Variants in XRCC6 observed in about 807,000 individuals in gnomAD.
XRCC6 encodes the protein X-ray repair cross complementing 6.
Under a neutral mutation model 65.7 loss-of-function variants are expected in XRCC6, and 5 were observed. The observed-to-expected ratio is 0.08, with a 90% CI of 0.04 to 0.16. The LOEUF is 0.16. XRCC6 is among the 10% of genes least tolerant of loss of function. XRCC6 has a pLI of 1.00. For synonymous variants in XRCC6, 270 were observed against 270.6 expected (o/e 1.00, Z 0.02); for missense variants, 447 against 738.1 (o/e 0.61, Z 4.57).
At chr22:41,650,164 G>C (rs1250913489) in intron 7 of XRCC6, among the ~76,000 whole-genome samples, 1 of 151,904 alleles carries the variant, frequency 6.6e-6, no homozygotes, top group African/African-American at 2.4e-5. Context: ...CAGTGCAGTG[G>C]CGCCATCTTG....
intron 2 of XRCC6, among the ~76,000 whole-genome samples, chr22:41,622,707 G>A (rs1373711515): frequency 2.6e-5 from 4 of 152,244 alleles, no homozygotes; most frequent in African/African-American, 9.6e-5. Flanking sequence ...TTGGGAGGCC[G>A]AGGCGGGCGG....
At chr22:41,648,700 G>A (rs940137234) in intron 7 of XRCC6, among the ~76,000 whole-genome samples, 1 of 152,072 alleles carries the variant, frequency 6.6e-6, no homozygotes, top group African/African-American at 2.4e-5. Flanking sequence ...GGGCCTATAA[G>A]GATGACTAAA....
intron 10 of XRCC6, among the ~76,000 whole-genome samples, 198 bp from the exon 11 acceptor site, chr22:41,658,054 A>T (rs1293769618): frequency 6.6e-6 from 1 of 151,868 alleles, no homozygotes; most frequent in Non-Finnish European, 1.5e-5. Flanking sequence ...GAACTGCTAG[A>T]CTCAAGCATT....
chr22:41,638,714 G>T (rs1035963210), intron 6 of XRCC6, among the ~76,000 whole-genome samples: 13 of 148,074 alleles, frequency 8.8e-5, no homozygotes, highest in Non-Finnish European at 1.3e-4. Flanking sequence ...GGAGTCAGAG[G>T]TGGCAGTGAG....
intron 1 of XRCC6, chr22:41,621,556 AGGCCCGCCTGCGCTTGC>A (rs1050385438): frequency 2.4e-4 from 41 of 168,216 alleles, no homozygotes; most frequent in East Asian, 5.4e-4. Context: ...CCTGCGTTTG[AGGCCCGCCTGCGCTTGC>A]GGCCCGCCTG....
intron 3 of XRCC6, among the ~76,000 whole-genome samples, chr22:41,631,939 A>C (rs1457516191): frequency 1.3e-5 from 2 of 152,170 alleles, no homozygotes; most frequent in South Asian, 2.1e-4. Flanking sequence ...CAGCCTGGCC[A>C]ACACAGCGAA....
Position 41,630,552 on chromosome 22 carries a change from G to C in XRCC6, c.195+2322G>C, listed in dbSNP as rs528804888. Among the ~76,000 whole-genome samples the C allele has an allele frequency of 2.8e-3, 419 of 150,314 alleles. 9 individuals carry two copies. Among genetic ancestry groups the C allele is most frequent in the Admixed American group, 0.025 (382 of 15,056 alleles). On this transcript the variant is annotated intron_variant, in intron 3 of 12. Transcript: ENST00000360079. ...TTCTTGGGTGTTTCTCACAGAGGGG[G>C]ATTTGGCAGGGTCATAGGACAATAG... is the stretch of plus-strand genomic sequence containing the variant.
chr22:41,621,615 T>C (rs555548472), intron 1 of XRCC6: 52 of 184,940 alleles, frequency 2.8e-4, no homozygotes, highest in Non-Finnish European at 5.0e-4. Flanking sequence ...TGAGATCTCA[T>C]TGGGCGTGAT....
intron 7 of XRCC6, among the ~76,000 whole-genome samples, chr22:41,649,139 A>ATATATATATATATATATATATATAT (rs1555906701): frequency 1.0e-4 from 9 of 88,710 alleles, no homozygotes; most frequent in Admixed American, 8.7e-4. Flanking sequence ...AAAAAAAAAA[A>ATATATATATATATATATATATATAT]ATATATATAT....
At chr22:41,621,552 T>C (rs778554475) in intron 1 of XRCC6, 3 of 167,480 alleles carry the variant, frequency 1.8e-5, no homozygotes, top group African/African-American at 4.8e-5. Context: ...CCCGCCTGCG[T>C]TTGAGGCCCG....
chr22:41,650,681 T>C (rs1191639918), intron 7 of XRCC6, 42 bp from the exon 8 acceptor site: 4 of 1,599,452 alleles, frequency 2.5e-6, no homozygotes, highest in Non-Finnish European at 3.4e-6. Context: ...TTGCATCTCC[T>C]CGTAGCCTTC....
intron 3 of XRCC6, among the ~76,000 whole-genome samples, chr22:41,630,345 A>T (rs2067726552): frequency 6.6e-6 from 1 of 151,896 alleles, no homozygotes; most frequent in South Asian, 2.1e-4. Flanking sequence ...TCCTGGGCTC[A>T]AGCAATCCAC....
intron 7 of XRCC6, chr22:41,648,324 C>T (rs1221495613): frequency 6.6e-6 from 1 of 151,974 alleles, no homozygotes; most frequent in Non-Finnish European, 1.5e-5. Flanking sequence ...CAGTGAAAAC[C>T]TCACCCCTTC....
At chr22:41,639,552 G>A (rs929634977) in intron 6 of XRCC6, among the ~76,000 whole-genome samples, 4 of 151,124 alleles carry the variant, frequency 2.6e-5, no homozygotes, top group African/African-American at 7.3e-5. Context: ...TCACTGCTTT[G>A]CACAGGCTGG....
At chr22:41,660,381 A>T (rs979620410) in intron 11 of XRCC6, among the ~76,000 whole-genome samples, 2 of 151,944 alleles carry the variant, frequency 1.3e-5, no homozygotes, top group African/African-American at 4.8e-5. Context: ...CAGCTCTGTG[A>T]TTTCAGTTAA....
chr22:41,648,485 TAGTGATATTTTTC>T (rs1187842936), intron 7 of XRCC6, among the ~76,000 whole-genome samples: 4 of 152,252 alleles, frequency 2.6e-5, no homozygotes, highest in Non-Finnish European at 4.4e-5. Context: ...TTATTTTTGC[TAGTGATATTTTTC>T]CTGTGCCTTG....
At position 41,636,163 on chromosome 22, in the gene XRCC6, C is replaced by T. The variant is rs961216913; in HGVS notation, c.246C>T (p.Leu82=). The T allele has an allele frequency of 2.5e-6, 4 of 1,604,688 alleles. No homozygotes were observed. The highest frequency in any genetic ancestry group is 3.4e-6 in the Non-Finnish European group (4 of 1,178,186). The change falls in exon 4 of 13, where the codon CTC becomes CTT. Residue 82 remains leucine, a synonymous_variant. Coordinates refer to ENST00000360079, the MANE Select transcript of XRCC6 (RefSeq NM_001469.5). ...ISKIISSDRD[L]LAVVFYGTEK... ...AGATCATAAGCAGTGATCGAGATCT[C>T]TTGGCTGTGGTGTTCTATGGTACCG...
intron 2 of XRCC6, among the ~76,000 whole-genome samples, chr22:41,627,282 G>T (rs975603952): frequency 6.6e-6 from 1 of 152,064 alleles, no homozygotes; most frequent in Non-Finnish European, 1.5e-5. Context: ...TAAGGGGTGG[G>T]TGTGTGGTAG....
chr22:41,656,970 G>A lies in XRCC6; in HGVS notation c.1359G>A (p.Met453Ile), dbSNP rs541350436. ...AGATGCCCTTTACTGAAAAAATCATGGCAACTCCAGAGCAGGTGGGCAAGA... is the reference window on the plus strand; with the variant it reads ...AGATGCCCTTTACTGAAAAAATCATAGCAACTCCAGAGCAGGTGGGCAAGA... Reference protein sequence around the residue: ...KRKMPFTEKIMATPEQVGKMK... With the variant: ...KRKMPFTEKIIATPEQVGKMK... Residue 453 changes from methionine (M) to isoleucine (I), a missense_variant, in exon 10 of 13, where the codon ATG (methionine) becomes ATA (isoleucine). By Grantham distance (10) the Met-to-Ile change is conservative. This residue lies in a region of XRCC6 where 201 missense variants were observed against 374.1 expected (regional missense o/e 0.54). Coordinates refer to ENST00000360079, the MANE Select transcript of XRCC6 (RefSeq NM_001469.5). The A allele has an allele frequency of 6.2e-7, 1 of 1,612,046 alleles. No individual in the cohort carries two copies. Among genetic ancestry groups the A allele is most frequent in the South Asian group, 1.1e-5 (1 of 90,664 alleles).
Sources: allele counts gnomAD v4.1 joint callset (sites outside exome capture counted in the v4.1 genomes callset), GRCh38; gene constraint gnomAD v4.1.1; regional missense constraint gnomAD v4.1.1; transcripts MANE v1.5; gene names NCBI Gene and HGNC (gene_info 2026-07-23, HGNC 2026-07-21).